Variants in OLFM3 observed in about 807,000 individuals in gnomAD.
OLFM3 encodes the protein noelin-3.
A neutral mutation model predicts 48.6 loss-of-function variants in OLFM3; 20 were observed. The ratio of observed to expected loss-of-function variants is 0.41; its 90% confidence interval spans 0.29 to 0.60. OLFM3 has a LOEUF of 0.60. Ranked by LOEUF, OLFM3 falls within the 20% of genes least tolerant of loss-of-function variation. The pLI, the probability that OLFM3 is intolerant of heterozygous loss-of-function variation, is 0.28. For missense variants in OLFM3, 437 were observed against 544.3 expected, an observed-to-expected ratio of 0.80 and a Z score of 1.96; for synonymous variants, 222 against 198.1, an observed-to-expected ratio of 1.12 and a Z score of -1.01.
At chr1:101,915,830 A>T (rs1185159212) in intron 1 of OLFM3, among the ~76,000 whole-genome samples, 2 of 152,094 alleles carry the variant, frequency 1.3e-5, no homozygotes, top group Admixed American at 1.3e-4. Flanking sequence ...AAGAAGGCCC[A>T]TTGTTGAATT....
chr1:101,995,089 A>G (rs1224484889), intron 1 of OLFM3, among the ~76,000 whole-genome samples: 1 of 152,144 alleles, frequency 6.6e-6, no homozygotes, highest in Non-Finnish European at 1.5e-5. Context: ...CAAAGATAAC[A>G]GACAAATCAA....
intron 1 of OLFM3, among the ~76,000 whole-genome samples, chr1:101,885,060 G>C (rs995314054): frequency 6.6e-6 from 1 of 151,966 alleles, no homozygotes; most frequent in Non-Finnish European, 1.5e-5. Context: ...AAAAATCCAT[G>C]AAAGCCACGG....
At chr1:101,847,214 G>T in intron 1 of OLFM3, 1 of 245,676 alleles carries the variant, frequency 4.1e-6, no homozygotes, top group Non-Finnish European at 6.5e-6. Flanking sequence ...ATTCTTGATA[G>T]GCTTGGTTGG....
chr1:101,814,131 T>A (rs1373484491), intron 4 of OLFM3, among the ~76,000 whole-genome samples: 1 of 152,162 alleles, frequency 6.6e-6, no homozygotes, highest in African/African-American at 2.4e-5. Flanking sequence ...TATTTTTACC[T>A]GGTTTTGTGG....
intron 1 of OLFM3, among the ~76,000 whole-genome samples, chr1:101,874,644 T>C (rs116333494): frequency 8.8e-4 from 134 of 152,044 alleles, no homozygotes; most frequent in African/African-American, 3.2e-3. Context: ...ATTCAGTATT[T>C]TTAAGTAAGG....
At chr1:101,862,937 T>C (rs77506022) in intron 1 of OLFM3, among the ~76,000 whole-genome samples, 1,932 of 152,256 alleles carry the variant, frequency 0.013, 44 homozygotes, top group African/African-American at 0.045. Context: ...CTCTGATACA[T>C]TGATTTTTCA....
chr1:101,838,358 C>T (rs1655540150), intron 1 of OLFM3, among the ~76,000 whole-genome samples: 1 of 152,154 alleles, frequency 6.6e-6, no homozygotes, highest in Non-Finnish European at 1.5e-5. Flanking sequence ...TGCAACCAGC[C>T]CAGCTATTAG....
intron 1 of OLFM3, among the ~76,000 whole-genome samples, chr1:101,901,379 A>G (rs1037515772): frequency 5.9e-5 from 9 of 152,104 alleles, no homozygotes; most frequent in Admixed American, 5.2e-4. Context: ...ATCAAATGAG[A>G]CAAGCATTTG....
chr1:101,916,786 T>C (rs952160916), intron 1 of OLFM3, among the ~76,000 whole-genome samples: 8 of 152,198 alleles, frequency 5.3e-5, no homozygotes, highest in Admixed American at 5.2e-4. Flanking sequence ...ATCTGGGTAA[T>C]TGGTGTATTA....
intron 4 of OLFM3, among the ~76,000 whole-genome samples, chr1:101,806,737 A>C (rs879534572): frequency 6.6e-6 from 1 of 151,762 alleles, no homozygotes; most frequent in Non-Finnish European, 1.5e-5. Flanking sequence ...GAGATTTTAA[A>C]GGTAAATGCC....
chr1:101,864,186 G>A (rs1175346287), intron 1 of OLFM3, among the ~76,000 whole-genome samples: 1 of 151,764 alleles, frequency 6.6e-6, no homozygotes, highest in African/African-American at 2.4e-5. Context: ...AATTTGTTCT[G>A]GTTCATATCC....
At chr1:101,896,957 G>A (rs1005095899) in intron 1 of OLFM3, among the ~76,000 whole-genome samples, 13 of 152,038 alleles carry the variant, frequency 8.6e-5, no homozygotes, top group African/African-American at 1.4e-4. Context: ...TCCAGAACAC[G>A]AGTGGATTAA....
rs146307817 is a variant in OLFM3, at chr1:101,855,129, G to A, written c.70-18104C>T. On this transcript the variant is annotated intron_variant, in intron 1 of 5. Coordinates refer to ENST00000370103, the MANE Select transcript of OLFM3 (RefSeq NM_058170.4). The stretch of plus-strand genomic sequence containing the variant: ...TCTTTCTAATATGGTTTGTTCATAT[G>A]GATTGACTTCAAACATTCTAGAAAG... 4.7e-3 allele frequency among the ~76,000 whole-genome samples: 720 copies of A among 152,114 alleles called. 4 individuals are homozygous for A. Among genetic ancestry groups the A allele is most frequent in the African/African-American group, 0.016 (664 of 41,532 alleles).
At chr1:101,855,639 GAT>G (rs1317674746) in intron 1 of OLFM3, among the ~76,000 whole-genome samples, 1 of 152,094 alleles carries the variant, frequency 6.6e-6, no homozygotes, top group East Asian at 1.9e-4. Flanking sequence ...CTTTGAATGT[GAT>G]GGAGCAAAGC....
chr1:101,896,196 C>T (rs1324561287), intron 1 of OLFM3, among the ~76,000 whole-genome samples: 1 of 151,984 alleles, frequency 6.6e-6, no homozygotes, highest in African/African-American at 2.4e-5. Context: ...CACCTGCTTT[C>T]CTGAATTTAA....
intron 1 of OLFM3, among the ~76,000 whole-genome samples, chr1:101,944,772 C>T (rs1659902489): frequency 1.3e-5 from 2 of 151,826 alleles, no homozygotes; most frequent in South Asian, 2.1e-4. Flanking sequence ...CCCAGCTACT[C>T]AGGAGGCTGA....
intron 1 of OLFM3, among the ~76,000 whole-genome samples, chr1:101,881,879 C>T (rs1310037298): frequency 1.3e-5 from 2 of 151,200 alleles, no homozygotes; most frequent in African/African-American, 4.9e-5. Flanking sequence ...ATTACTAGAC[C>T]TCAACCACAG....
chr1:101,913,167 G>C (rs1658814333), intron 1 of OLFM3, among the ~76,000 whole-genome samples: 1 of 152,080 alleles, frequency 6.6e-6, no homozygotes, highest in Admixed American at 6.5e-5. Flanking sequence ...TTATACATCT[G>C]ACTTAGTCAT....
At chr1:101,846,945 G>A (rs1656024505) in intron 1 of OLFM3, 1 of 1,612,390 alleles carries the variant, frequency 6.2e-7, no homozygotes, top group Non-Finnish European at 8.5e-7. Flanking sequence ...ACTAAGCACA[G>A]CGCCAAGCTT....
Sources: allele counts gnomAD v4.1 joint callset (sites outside exome capture counted in the v4.1 genomes callset), GRCh38; gene constraint gnomAD v4.1.1; transcripts MANE v1.5; gene names NCBI Gene and HGNC (gene_info 2026-07-23, HGNC 2026-07-21).